The following SNTG1 variants were observed in gnomAD, a reference collection of about 807,000 sequenced individuals.
SNTG1 encodes syntrophin gamma 1, also known as gamma-1-syntrophin.
A neutral mutation model predicts 74.7 loss-of-function variants in SNTG1; 39 were observed. The observed-to-expected ratio is 0.52, with a 90% CI of 0.40 to 0.68. The LOEUF is 0.68. Ranked by LOEUF, SNTG1 falls within the 30% of genes least tolerant of loss-of-function variation. SNTG1 has a pLI of 0.00. For missense variants in SNTG1, 685 were observed against 609.5 expected (o/e 1.12, Z -1.30); for synonymous variants, 254 against 217.1 (o/e 1.17, Z -1.49).
intron 2 of SNTG1, among the ~76,000 whole-genome samples, chr8:50,180,636 A>G (rs539312733): frequency 2.0e-5 from 3 of 150,944 alleles, no homozygotes; most frequent in South Asian, 2.1e-4. Context: ...CATAAATCCC[A>G]CCACCTTCAA....
At chr8:50,528,733 G>A (rs2094242051) in intron 9 of SNTG1, among the ~76,000 whole-genome samples, 1 of 151,042 alleles carries the variant, frequency 6.6e-6, no homozygotes, top group Non-Finnish European at 1.5e-5. Flanking sequence ...TTTAACATCC[G>A]TTAGCTCTCA....
chr8:50,626,754 C>T (rs1164931473), intron 13 of SNTG1, among the ~76,000 whole-genome samples: 1 of 152,162 alleles, frequency 6.6e-6, no homozygotes, highest in Non-Finnish European at 1.5e-5. Context: ...CTGATAAACC[C>T]ACAACCTTCA....
At chr8:50,024,427 T>C (rs1817085579) in intron 1 of SNTG1, among the ~76,000 whole-genome samples, 1 of 152,166 alleles carries the variant, frequency 6.6e-6, no homozygotes, top group Non-Finnish European at 1.5e-5. Flanking sequence ...GGATTTCTTT[T>C]AGGAAACTTA....
At chr8:50,719,806 T>C (rs1462839852) in intron 17 of SNTG1, among the ~76,000 whole-genome samples, 2 of 152,206 alleles carry the variant, frequency 1.3e-5, no homozygotes, top group Non-Finnish European at 2.9e-5. Flanking sequence ...ATTAAGGTAT[T>C]ATAAAATTAA....
chr8:49,974,526 G>T (rs181382773), intron 1 of SNTG1, among the ~76,000 whole-genome samples: 16 of 152,252 alleles, frequency 1.1e-4, no homozygotes, highest in Admixed American at 1.0e-3. Context: ...CAAGATGAAT[G>T]CAAAAGGGAT....
chr8:50,566,991 A>C (rs1266628547), intron 12 of SNTG1, among the ~76,000 whole-genome samples: 1 of 152,090 alleles, frequency 6.6e-6, no homozygotes, highest in East Asian at 1.9e-4. Context: ...AAATGATGTA[A>C]TCCATAAACC....
At chr8:50,333,470 A>G (rs2130891085) in intron 2 of SNTG1, among the ~76,000 whole-genome samples, 1 of 152,344 alleles carries the variant, frequency 6.6e-6, no homozygotes, top group Admixed American at 6.5e-5. Flanking sequence ...TAGCTGAATA[A>G]CTGGTACCAT....
chr8:50,117,617 G>A (rs192391504), intron 1 of SNTG1, among the ~76,000 whole-genome samples: 63 of 152,208 alleles, frequency 4.1e-4, no homozygotes, highest in African/African-American at 1.4e-3. Flanking sequence ...ATTGCTGTCT[G>A]AGTCTTACAA....
At chr8:49,920,881 A>G (rs1806475444) in intron 1 of SNTG1, among the ~76,000 whole-genome samples, 1 of 152,146 alleles carries the variant, frequency 6.6e-6, no homozygotes, top group Non-Finnish European at 1.5e-5. Context: ...TGATGCCGCT[A>G]TCAAATAAAA....
At chr8:50,257,901 G>A (rs1440561300) in intron 2 of SNTG1, among the ~76,000 whole-genome samples, 1 of 152,164 alleles carries the variant, frequency 6.6e-6, no homozygotes, top group Admixed American at 6.5e-5. Context: ...ATTAATGGAA[G>A]CCGACAGCTA....
chr8:50,648,118 T>G (rs2095122223), intron 13 of SNTG1, among the ~76,000 whole-genome samples: 1 of 152,180 alleles, frequency 6.6e-6, no homozygotes, highest in Non-Finnish European at 1.5e-5. Context: ...GGTGAATGTT[T>G]GACTGAGAGA....
At chr8:50,592,968 C>T (rs1186387140) in intron 13 of SNTG1, among the ~76,000 whole-genome samples, 2 of 152,084 alleles carry the variant, frequency 1.3e-5, no homozygotes, top group African/African-American at 2.4e-5. Context: ...AGTATGATAA[C>T]AACGCATTAA....
At chr8:50,561,677 A>T (rs2094489238) in intron 12 of SNTG1, among the ~76,000 whole-genome samples, 1 of 152,192 alleles carries the variant, frequency 6.6e-6, no homozygotes, top group Admixed American at 6.5e-5. Context: ...AGAGACACAA[A>T]ATGGTTAAGG....
chr8:50,505,725 G>A (rs2094000737), intron 9 of SNTG1, among the ~76,000 whole-genome samples: 1 of 152,066 alleles, frequency 6.6e-6, no homozygotes, highest in African/African-American at 2.4e-5. Flanking sequence ...TTGTTGAGTT[G>A]TAAGAATTCT....
intron 12 of SNTG1, among the ~76,000 whole-genome samples, chr8:50,554,171 C>A (rs1363662598): frequency 6.6e-6 from 1 of 152,152 alleles, no homozygotes; most frequent in Non-Finnish European, 1.5e-5. Flanking sequence ...ACAGGAGGAC[C>A]ACTAGCCAAT....
At chr8:50,720,593 C>G (rs2095485438) in intron 17 of SNTG1, among the ~76,000 whole-genome samples, 2 of 152,090 alleles carry the variant, frequency 1.3e-5, no homozygotes, top group African/African-American at 2.4e-5. Flanking sequence ...GTTACAGACT[C>G]AAGAGGGATA....
chr8:50,071,141 C>T (rs1821327051), intron 1 of SNTG1, among the ~76,000 whole-genome samples: 1 of 152,110 alleles, frequency 6.6e-6, no homozygotes, highest in Non-Finnish European at 1.5e-5. Context: ...ATCCCAACTC[C>T]TAAGGGAAGA....
intron 8 of SNTG1, among the ~76,000 whole-genome samples, chr8:50,484,970 T>A (rs1199113165): frequency 6.6e-6 from 1 of 152,134 alleles, no homozygotes; most frequent in Non-Finnish European, 1.5e-5. Flanking sequence ...GTACACTTCA[T>A]TTCATGCGCA....
intron 2 of SNTG1, among the ~76,000 whole-genome samples, chr8:50,338,420 G>A (rs2091220278): frequency 6.6e-6 from 1 of 152,128 alleles, no homozygotes; most frequent in Non-Finnish European, 1.5e-5. Context: ...ACAGTGTGAA[G>A]AGAAAAAACT....
Sources: gnomAD v4.1 joint callset for allele counts (sites outside exome capture counted in the v4.1 genomes callset) on GRCh38, gnomAD v4.1.1 for gene constraint, MANE v1.5 for transcripts, NCBI Gene and HGNC (gene_info 2026-07-23, HGNC 2026-07-21) for gene names.